The following INSL6 variants were observed in gnomAD, a reference collection of about 807,000 sequenced individuals.
The protein encoded by INSL6 is insulin-like peptide INSL6.
A neutral mutation model predicts 9.4 loss-of-function variants in INSL6; 16 were observed. The observed-to-expected ratio is 1.70, with a 90% CI of 1.15 to 2.59. The LOEUF is 2.59. INSL6 is among the 30% of genes most tolerant of loss of function. INSL6 has a pLI of 0.00. For synonymous variants in INSL6, 154 were observed against 96.9 expected, an observed-to-expected ratio of 1.59 and a Z score of -3.46; for missense variants, 391 against 257.3, an observed-to-expected ratio of 1.52 and a Z score of -3.56.
intron 2 of INSL6, among the ~76,000 whole-genome samples, chr9:5,153,796 C>T (rs892589368): frequency 3.3e-5 from 5 of 152,160 alleles, no homozygotes; most frequent in Non-Finnish European, 7.4e-5. Flanking sequence ...AGGAGAACTA[C>T]AAACCACTGC....
the INSL6 span, among the ~76,000 whole-genome samples, chr9:5,014,477 A>G: frequency 6.6e-6 from 1 of 152,196 alleles, no homozygotes; most frequent in South Asian, 2.1e-4. Context: ...AGAAACTTTC[A>G]TTCTAGTGGT....
chr9:5,112,666 C>A, the INSL6 span: 3 of 956,760 alleles, frequency 3.1e-6, no homozygotes, highest in African/African-American at 5.1e-5. Flanking sequence ...TTATCCTGCA[C>A]CAGGCCGTCT....
chr9:5,179,721 A>G (rs1825402485), intron 1 of INSL6, among the ~76,000 whole-genome samples: 1 of 152,222 alleles, frequency 6.6e-6, no homozygotes, highest in South Asian at 2.1e-4. Flanking sequence ...GGAAACCATC[A>G]TTCTCAGCAA....
At chr9:5,051,322 C>T in the INSL6 span, among the ~76,000 whole-genome samples, 160 of 152,234 alleles carry the variant, frequency 1.1e-3, 2 homozygotes, top group South Asian at 0.031. Context: ...ACAGAAGAAA[C>T]ACCTGGAGGC....
At chr9:5,020,718 T>C in the INSL6 span, among the ~76,000 whole-genome samples, 4 of 152,164 alleles carry the variant, frequency 2.6e-5, no homozygotes, top group Non-Finnish European at 5.9e-5. Flanking sequence ...CACATACCAA[T>C]ATATGGCAGC....
the INSL6 span, among the ~76,000 whole-genome samples, chr9:5,024,969 G>T: frequency 6.6e-6 from 1 of 152,198 alleles, no homozygotes; most frequent in Non-Finnish European, 1.5e-5. Context: ...AGCCGGGGCT[G>T]GTGGGCAGGA....
the INSL6 span, among the ~76,000 whole-genome samples, chr9:5,046,922 CTATT>C: frequency 5.9e-5 from 9 of 152,262 alleles, no homozygotes; most frequent in South Asian, 4.1e-4. Flanking sequence ...TTTTCCCAAA[CTATT>C]CATTCAGCTA....
At chr9:4,999,869 T>C in the INSL6 span, among the ~76,000 whole-genome samples, 1 of 152,256 alleles carries the variant, frequency 6.6e-6, no homozygotes, top group Non-Finnish European at 1.5e-5. Context: ...TTATTAGATA[T>C]GCATGCTACT....
chr9:5,005,135 G>GTTTT, the INSL6 span, among the ~76,000 whole-genome samples: 1 of 80,144 alleles, frequency 1.2e-5, no homozygotes, highest in African/African-American at 4.7e-5. Context: ...TTTTTTTTAG[G>GTTTT]TACAGGGTCT....
the INSL6 span, among the ~76,000 whole-genome samples, chr9:5,020,655 C>T: frequency 3.1e-4 from 47 of 152,260 alleles, no homozygotes; most frequent in East Asian, 7.7e-3. Flanking sequence ...TGACACCTAG[C>T]GGCAGCAGCC....
chr9:5,123,651 C>T (rs1254548494), downstream of INSL6, among the ~76,000 whole-genome samples: 1 of 151,808 alleles, frequency 6.6e-6, no homozygotes. Context: ...ATTTCTTGTC[C>T]TTTAGGTAGA....
chr9:5,102,303 C>G, the INSL6 span, among the ~76,000 whole-genome samples: 1 of 151,890 alleles, frequency 6.6e-6, no homozygotes, highest in Admixed American at 6.6e-5. Flanking sequence ...GATTGAAGAT[C>G]AAATTAATGA....
chr9:5,171,883 C>G (rs1226777715), intron 1 of INSL6, among the ~76,000 whole-genome samples: 1 of 152,124 alleles, frequency 6.6e-6, no homozygotes, highest in Non-Finnish European at 1.5e-5. Context: ...TAGGAAGAAT[C>G]AATATCGTGA....
At chr9:5,126,064 CAAAGG>C (rs1823974199) in intron 3 of INSL6, 1 of 264,102 alleles carries the variant, frequency 3.8e-6, no homozygotes, top group Admixed American at 5.3e-5. Flanking sequence ...ACAAAAAACT[CAAAGG>C]AAATATGTTT....
intron 3 of INSL6, among the ~76,000 whole-genome samples, chr9:5,131,469 C>CTTTTTTTT (rs1554687896): frequency 9.4e-6 from 1 of 105,998 alleles, no homozygotes; most frequent in African/African-American, 5.3e-5. Flanking sequence ...CAGAGTTTTG[C>CTTTTTTTT]TCTTGTCGTC....
chr9:5,112,557 C>G, the INSL6 span: 1 of 623,506 alleles, frequency 1.6e-6, no homozygotes. Flanking sequence ...TGGCCAATAA[C>G]GCCAGGGAGC....
At chr9:5,015,639 C>T in the INSL6 span, among the ~76,000 whole-genome samples, 2 of 151,572 alleles carry the variant, frequency 1.3e-5, no homozygotes, top group South Asian at 4.2e-4. Flanking sequence ...CTCCTGGGCT[C>T]AAGTGATCCT....
the INSL6 span, chr9:5,073,743 C>T: frequency 6.2e-7 from 1 of 1,612,390 alleles, no homozygotes; most frequent in East Asian, 2.2e-5. Flanking sequence ...TTCTCACAAG[C>T]ATTTGGTTTT....
At chr9:5,052,755 T>A in the INSL6 span, among the ~76,000 whole-genome samples, 1 of 152,028 alleles carries the variant, frequency 6.6e-6, no homozygotes, top group South Asian at 2.1e-4. Flanking sequence ...GGTGTGGCAT[T>A]TTTTTTGTCT....
Sources: allele counts gnomAD v4.1 joint callset (sites outside exome capture counted in the v4.1 genomes callset), GRCh38; gene constraint gnomAD v4.1.1; transcripts MANE v1.5; gene names NCBI Gene and HGNC (gene_info 2026-07-23, HGNC 2026-07-21).